The following LEMD3 variants were observed in gnomAD, a reference collection of about 807,000 sequenced individuals.
LEMD3 encodes the protein inner nuclear membrane protein Man1.
Under a neutral mutation model 95.2 loss-of-function variants are expected in LEMD3, and 33 were observed. The ratio of observed to expected loss-of-function variants is 0.35; its 90% confidence interval spans 0.26 to 0.46. The LOEUF is 0.46. Among genes scored for constraint, LEMD3 ranks in the 20% least tolerant of loss-of-function variants. LEMD3 has a pLI of 1.00. For synonymous variants in LEMD3, 525 were observed against 474.6 expected, an observed-to-expected ratio of 1.11 and a Z score of -1.38; for missense variants, 1,210 against 1,192.8, an observed-to-expected ratio of 1.01 and a Z score of -0.21.
At chr12:65,220,208 T>C (rs750234890) in intron 4 of LEMD3, among the ~76,000 whole-genome samples, 2 of 152,224 alleles carry the variant, frequency 1.3e-5, no homozygotes, top group African/African-American at 2.4e-5. Flanking sequence ...TTAACACTTA[T>C]TTGCCTTATA....
intron 4 of LEMD3, among the ~76,000 whole-genome samples, chr12:65,223,114 G>T (rs1870342469): frequency 6.6e-6 from 1 of 151,992 alleles, no homozygotes; most frequent in African/African-American, 2.4e-5. Flanking sequence ...TTCTACTCCT[G>T]TTGGGTGGAA....
In LEMD3 at chr12:65,246,667, T is replaced by C. The variant is rs1260998455; in HGVS notation, c.*342T>C. On this transcript the variant is annotated 3_prime_UTR_variant, in exon 13 of 13. Transcript: ENST00000308330. ...CCACACAAAAGCATGATGAAAAGGC[T>C]TCTTGTAGTCCCATAATTTCTTGTG... The C allele has an allele frequency of 7.0e-6, 2 of 284,066 alleles. No homozygotes were observed. Among genetic ancestry groups the C allele is most frequent in the East Asian group, 1.8e-4 (2 of 11,262 alleles). The allele number at this position is 284,066 out of a possible 1,614,324, so 17.6% of individuals were successfully genotyped here.
At chr12:65,211,421 A>G (rs1053404199) in intron 2 of LEMD3, among the ~76,000 whole-genome samples, 1 of 152,216 alleles carries the variant, frequency 6.6e-6, no homozygotes, top group Non-Finnish European at 1.5e-5. Context: ...GAAAGGAAGC[A>G]TATCCTTCAG....
At chr12:65,201,328 G>A (rs550667064) in intron 1 of LEMD3, among the ~76,000 whole-genome samples, 4 of 152,226 alleles carry the variant, frequency 2.6e-5, no homozygotes, top group South Asian at 2.1e-4. Flanking sequence ...ACAGTATCCC[G>A]AAAATAATCT....
intron 4 of LEMD3, among the ~76,000 whole-genome samples, chr12:65,228,240 T>A (rs1432288201): frequency 6.6e-6 from 1 of 151,878 alleles, no homozygotes; most frequent in East Asian, 1.9e-4. Flanking sequence ...AGCAATAGAG[T>A]ATAAGATTAA....
intron 4 of LEMD3, among the ~76,000 whole-genome samples, chr12:65,228,368 A>T (rs78329685): frequency 7.1e-6 from 1 of 140,290 alleles, no homozygotes; most frequent in African/African-American, 3.1e-5. Context: ...TTTGTGTTTT[A>T]TTATTATTAT....
intron 1 of LEMD3, among the ~76,000 whole-genome samples, chr12:65,210,604 A>G (rs1869907380): frequency 6.6e-6 from 1 of 152,176 alleles, no homozygotes; most frequent in Admixed American, 6.5e-5. Flanking sequence ...ACTACAATTT[A>G]GAGTAGCTAA....
intron 10 of LEMD3, among the ~76,000 whole-genome samples, chr12:65,245,118 C>T (rs1468698922): frequency 6.6e-6 from 1 of 151,406 alleles, no homozygotes; most frequent in Admixed American, 6.6e-5. Flanking sequence ...TTCATTGCCT[C>T]AGCTCTCTGC....
intron 1 of LEMD3, among the ~76,000 whole-genome samples, chr12:65,203,577 A>G (rs1434657979): frequency 6.6e-6 from 1 of 152,068 alleles, no homozygotes; most frequent in African/African-American, 2.4e-5. Flanking sequence ...GTCTTGGTGA[A>G]CATTCCATGT....
chr12:65,213,428 C>T lies in LEMD3; in HGVS notation c.1560+2465C>T, dbSNP rs147985129. On this transcript the variant is annotated intron_variant, in intron 2 of 12. Coordinates refer to ENST00000308330, the MANE Select transcript of LEMD3 (RefSeq NM_014319.5). Reference sequence around the variant, plus strand: ...TTTTTGTAGAGATGGGGTTTTGCCACATTGCCCAGGCTGGTCTCAAATTCC... The same window carrying T: ...TTTTTGTAGAGATGGGGTTTTGCCATATTGCCCAGGCTGGTCTCAAATTCC... Among the ~76,000 whole-genome samples, 348 of 152,156 alleles carry T rather than the reference C, an allele frequency of 2.3e-3. 1 individual carries two copies. The highest frequency in any genetic ancestry group is 8.0e-3 in the African/African-American group (330 of 41,502).
At chr12:65,179,554 C>G (rs1452317441) in intron 1 of LEMD3, among the ~76,000 whole-genome samples, 1 of 152,106 alleles carries the variant, frequency 6.6e-6, no homozygotes, top group Non-Finnish European at 1.5e-5. Flanking sequence ...TAAATAAGTA[C>G]TACTAACTTG....
intron 4 of LEMD3, among the ~76,000 whole-genome samples, chr12:65,226,181 A>G (rs1168896028): frequency 1.3e-5 from 2 of 152,194 alleles, no homozygotes; most frequent in Non-Finnish European, 2.9e-5. Context: ...GACAGAAACC[A>G]GTTGCCCCGA....
intron 6 of LEMD3, 62 bp downstream of exon 6, chr12:65,238,876 A>G (rs1384724613): frequency 2.0e-6 from 3 of 1,534,386 alleles, no homozygotes; most frequent in Non-Finnish European, 2.7e-6. Flanking sequence ...GTATTTCACT[A>G]AATGCCAGAG....
At chr12:65,242,861 A>G (rs960417723) in intron 9 of LEMD3, among the ~76,000 whole-genome samples, 4 of 152,204 alleles carry the variant, frequency 2.6e-5, no homozygotes, top group African/African-American at 4.8e-5. Context: ...TTGAGTGGCT[A>G]TTACTCTTAC....
chr12:65,245,975 ATAGT>A (rs1445650926), intron 12 of LEMD3, 36 bp downstream of exon 12: 2 of 1,483,176 alleles, frequency 1.3e-6, no homozygotes, highest in South Asian at 2.3e-5. Flanking sequence ...TTTTGAAAAG[ATAGT>A]TATAGTTTAA....
At chr12:65,229,316 T>G (rs1021413370) in intron 4 of LEMD3, among the ~76,000 whole-genome samples, 3 of 152,056 alleles carry the variant, frequency 2.0e-5, no homozygotes, top group African/African-American at 7.2e-5. Context: ...TGATTCCATA[T>G]TATTGTTAAT....
At chr12:65,203,601 CTG>C (rs1358191350) in intron 1 of LEMD3, among the ~76,000 whole-genome samples, 9 of 152,054 alleles carry the variant, frequency 5.9e-5, no homozygotes, top group Middle Eastern at 3.4e-3. Flanking sequence ...CTTGTGAAGA[CTG>C]TGTATTCTGT....
At chr12:65,203,295 TAATA>T (rs1260354643) in intron 1 of LEMD3, among the ~76,000 whole-genome samples, 4 of 152,262 alleles carry the variant, frequency 2.6e-5, no homozygotes, top group African/African-American at 4.8e-5. Flanking sequence ...CACTAGACAT[TAATA>T]AATTTCCCTC....
At chr12:65,226,404 A>C (rs1186517314) in intron 4 of LEMD3, among the ~76,000 whole-genome samples, 1 of 152,136 alleles carries the variant, frequency 6.6e-6, no homozygotes, top group Non-Finnish European at 1.5e-5. Flanking sequence ...GATTTTTCAC[A>C]AATGGAATTG....
Sources: gnomAD v4.1 joint callset for allele counts (sites outside exome capture counted in the v4.1 genomes callset) on GRCh38, gnomAD v4.1.1 for gene constraint, MANE v1.5 for transcripts, NCBI Gene and HGNC (gene_info 2026-07-23, HGNC 2026-07-21) for gene names.